Variants in NAA30 observed in about 807,000 individuals in gnomAD.
NAA30 encodes N-alpha-acetyltransferase 30.
A neutral mutation model predicts 31.4 loss-of-function variants in NAA30; 5 were observed. The observed-to-expected ratio is 0.16, with a 90% confidence interval of 0.08 to 0.33. The LOEUF (loss-of-function observed/expected upper bound fraction) is 0.33, where lower values mean the gene tolerates loss of function less well. NAA30 is among the 10% of genes least tolerant of loss of function. The pLI, the probability that NAA30 is intolerant of heterozygous loss-of-function variation, is 1.00. For synonymous variants in NAA30, 222 were observed against 207.1 expected, an observed-to-expected ratio of 1.07 and a Z score of -0.62; for missense variants, 428 against 490.8, an observed-to-expected ratio of 0.87 and a Z score of 1.21.
Position 57,409,658 on chromosome 14 carries a change from A to G in NAA30, c.*142A>G. On this transcript the variant is annotated 3_prime_UTR_variant, in exon 5 of 5. Coordinates refer to ENST00000556492, the MANE Select transcript of NAA30 (RefSeq NM_001011713.3). Reference sequence around the variant, plus strand: ...TCAGTGTCTCATTGAGTGTCGCACAATATTTGTTGCACTTTGGCATGGCAC... The same window carrying G: ...TCAGTGTCTCATTGAGTGTCGCACAGTATTTGTTGCACTTTGGCATGGCAC... 1 of 729,248 alleles carries G rather than the reference A, an allele frequency of 1.4e-6. No homozygotes were observed. Among genetic ancestry groups the G allele is most frequent in the South Asian group, 3.6e-5 (1 of 27,984 alleles). The allele number at this position is 729,248 out of a possible 1,614,324, so 45.2% of individuals were successfully genotyped here. A position where few individuals can be genotyped will look rare whatever the true frequency, so the allele number is the denominator to read the frequency against.
chr14:57,407,564 C>G (rs2066502972), intron 4 of NAA30, among the ~76,000 whole-genome samples: 1 of 152,078 alleles, frequency 6.6e-6, no homozygotes, highest in African/African-American at 2.4e-5. Context: ...TTTGAATGTT[C>G]TAAGGTGGGA....
intron 4 of NAA30, among the ~76,000 whole-genome samples, chr14:57,406,680 T>C (rs2139765840): frequency 6.6e-6 from 1 of 152,350 alleles, no homozygotes; most frequent in East Asian, 1.9e-4. Flanking sequence ...ATTCCAAGTT[T>C]TGAGTTGTTG....
chr14:57,401,862 A>G (rs2066479150), intron 4 of NAA30, among the ~76,000 whole-genome samples: 1 of 152,178 alleles, frequency 6.6e-6, no homozygotes, highest in Non-Finnish European at 1.5e-5. Flanking sequence ...TAAATTAATG[A>G]TATATTTTAT....
In NAA30 at chr14:57,391,498, G is replaced by C; in HGVS notation, c.541G>C (p.Asp181His). ...EGTEQEEEEE[D>H]EQVRLLSSSL... ...CACCGAGCAGGAGGAGGAGGAGGAAGACGAGCAGGTGCGGCTGCTGTCTTC... is the reference window on the plus strand; with the variant it reads ...CACCGAGCAGGAGGAGGAGGAGGAACACGAGCAGGTGCGGCTGCTGTCTTC... Residue 181 changes from aspartate to histidine, a missense_variant, in exon 2 of 5, where the codon GAC becomes CAC. Asp to His is a moderately conservative substitution (Grantham distance 81). Coordinates refer to ENST00000556492, the MANE Select transcript of NAA30 (RefSeq NM_001011713.3). This position sits in a 1 kb window ranked among gnomAD's most constrained non-coding sequence, Gnocchi z 4.1. 2 of 1,613,570 alleles carry C rather than the reference G, an allele frequency of 1.2e-6. No homozygotes were observed. Among genetic ancestry groups the C allele is most frequent in the South Asian group, 2.2e-5 (2 of 91,060 alleles).
chr14:57,401,962 C>T (rs1297209037), intron 4 of NAA30, among the ~76,000 whole-genome samples: 4 of 152,200 alleles, frequency 2.6e-5, no homozygotes. Flanking sequence ...AATCTTTAGG[C>T]TGACATCAGG....
rs1227639634 is a variant in NAA30, at chr14:57,396,766, G to T, written c.786G>T (p.Glu262Asp). The change falls in exon 3 of 5, where the codon GAG becomes GAT. Residue 262 changes from glutamate (E) to aspartate (D), a missense_variant. By Grantham distance (45) the Glu-to-Asp change is conservative. Coordinates refer to ENST00000556492, the MANE Select transcript of NAA30 (RefSeq NM_001011713.3). ...TTATTTTTAAGGCCATGGTAGGGGA[G>T]GAGTGTGTAGGTGCCATCGTTTGCA... ...PQLCFLAMVG[E>D]ECVGAIVCKL... is the part of the protein sequence containing the mutation. 6.2e-7 allele frequency: 1 copy of T among 1,614,058 alleles called. No homozygotes were observed. Among genetic ancestry groups the T allele is most frequent in the African/African-American group, 1.3e-5 (1 of 75,050 alleles).
At chr14:57,401,547 G>C (rs1174203417) in intron 4 of NAA30, among the ~76,000 whole-genome samples, 2 of 152,180 alleles carry the variant, frequency 1.3e-5, no homozygotes, top group Non-Finnish European at 2.9e-5. Flanking sequence ...CTGCTTGTCA[G>C]CTCATCGAGA....
chr14:57,397,287 G>C (rs1263959698), intron 3 of NAA30, among the ~76,000 whole-genome samples: 2 of 152,246 alleles, frequency 1.3e-5, no homozygotes, highest in East Asian at 3.9e-4. Flanking sequence ...TGGACAAATT[G>C]TTACCATTAC....
At position 57,411,184 on chromosome 14, in the gene NAA30, T is replaced by C. The variant is rs2066521194; in HGVS notation, c.*1668T>C. ...ATATTTGAAAATAAAAACTTTCTGCTGGTGGGATTATTTATAGTTCTTTAT... is the reference window on the plus strand; with the variant it reads ...ATATTTGAAAATAAAAACTTTCTGCCGGTGGGATTATTTATAGTTCTTTAT... On this transcript the variant is annotated 3_prime_UTR_variant, in exon 5 of 5. Coordinates refer to ENST00000556492, the MANE Select transcript of NAA30 (RefSeq NM_001011713.3). The C allele has an allele frequency of 6.6e-6, 1 of 152,180 alleles. No homozygotes were observed. Among genetic ancestry groups the C allele is most frequent in the Non-Finnish European group, 1.5e-5 (1 of 67,938 alleles). The allele number at this position is 152,180 out of a possible 1,614,324, so 9.4% of individuals were successfully genotyped here. A position where few individuals can be genotyped will look rare whatever the true frequency, so the allele number is the denominator to read the frequency against.
Position 57,391,925 on chromosome 14 carries a change from G to A in NAA30, c.771+197G>A, listed in dbSNP as rs372861268. On this transcript the variant is annotated intron_variant, in intron 2 of 4. Coordinates refer to ENST00000556492, the MANE Select transcript of NAA30 (RefSeq NM_001011713.3). The surrounding 1 kb of genome is among the most constrained non-coding windows in gnomAD (Gnocchi z 4.1). ...GTAAGACTTCATGATTCGGGTTAAC[G>A]TGATACTAGTGTAACTGCAGCAAGC... 1.6e-4 allele frequency among the ~76,000 whole-genome samples: 24 copies of A among 152,294 alleles called. No homozygotes were observed. The South Asian group carries it at 4.8e-3, about 30-fold the overall frequency.
chr14:57,413,981 G>T lies in NAA30; in HGVS notation c.*4465G>T, dbSNP rs191923653. 1 of 152,328 alleles carries T rather than the reference G, an allele frequency of 6.6e-6. No homozygotes were observed. Among genetic ancestry groups the T allele is most frequent in the Admixed American group, 6.5e-5 (1 of 15,292 alleles). The allele number at this position is 152,328 out of a possible 1,614,324, so 9.4% of individuals were successfully genotyped here. ...GCTACTGAGCCCCTGAAGTGTGGGT[G>T]GGATGATTGAGCTGAATTTGTAATT... On this transcript the variant is annotated 3_prime_UTR_variant, in exon 5 of 5. Transcript: ENST00000556492.
chr14:57,391,509 G>C lies in NAA30; in HGVS notation c.552G>C (p.Val184=). The C allele has an allele frequency of 6.2e-7, 1 of 1,612,914 alleles. No individual in the cohort carries two copies. Among genetic ancestry groups the C allele is most frequent in the Non-Finnish European group, 8.5e-7 (1 of 1,179,652 alleles). The change falls in exon 2 of 5, where the codon GTG becomes GTC. Residue 184 remains valine (V), a synonymous_variant. Coordinates refer to ENST00000556492, the MANE Select transcript of NAA30 (RefSeq NM_001011713.3). This position sits in a 1 kb window ranked among gnomAD's most constrained non-coding sequence, Gnocchi z 4.1. ...AGGAGGAGGAGGAAGACGAGCAGGTGCGGCTGCTGTCTTCGTCCCTGACCG... is the reference window on the plus strand; with the variant it reads ...AGGAGGAGGAGGAAGACGAGCAGGTCCGGCTGCTGTCTTCGTCCCTGACCG... The part of the protein sequence containing the change: ...EQEEEEEDEQ[V]RLLSSSLTAD...
intron 4 of NAA30, among the ~76,000 whole-genome samples, chr14:57,405,421 G>A (rs200797053): frequency 6.7e-6 from 1 of 149,100 alleles, no homozygotes; most frequent in Non-Finnish European, 1.5e-5. Flanking sequence ...ATATATATGT[G>A]TATATATATA....
chr14:57,400,678 A>G (rs1051329573), intron 4 of NAA30, among the ~76,000 whole-genome samples: 3 of 152,222 alleles, frequency 2.0e-5, no homozygotes, highest in African/African-American at 7.2e-5. Context: ...AAGTTTTTTT[A>G]AAAGGTTGAC....
At position 57,398,641 on chromosome 14, in the gene NAA30, TTA is replaced by T. The variant is rs1298303664; in HGVS notation, c.896-1185_896-1184del. On this transcript the variant is annotated intron_variant, in intron 3 of 4. Transcript: ENST00000556492. Reference sequence around the variant, plus strand: ...CCCAGCTGATTTATTTTTTTTATTATTATTTTTTTTTGAGATAGTCTCACTCT... The same window carrying T: ...CCCAGCTGATTTATTTTTTTTATTATTTTTTTTTTGAGATAGTCTCACTCT... Among the ~76,000 whole-genome samples, 3 of 60,748 alleles carry T rather than the reference TTA, an allele frequency of 4.9e-5. No individual in the cohort carries two copies. The East Asian group carries it at 2.0e-3, about 40-fold the overall frequency. 39.9% of individuals were successfully genotyped at this position (60,748 alleles called of 152,430 possible). A position where few individuals can be genotyped will look rare whatever the true frequency, so the allele number is the denominator to read the frequency against.
At position 57,413,642 on chromosome 14, in the gene NAA30, C is replaced by G. The variant is rs1347008366; in HGVS notation, c.*4126C>G. On this transcript the variant is annotated 3_prime_UTR_variant, in exon 5 of 5. Coordinates refer to ENST00000556492, the MANE Select transcript of NAA30 (RefSeq NM_001011713.3). ...GAGTAGCTGGGACTACAGGTGCATG[C>G]CACCACGCCCAGCCAATTTCTTGTA... 1 of 152,220 alleles carries G rather than the reference C, an allele frequency of 6.6e-6. No individual in the cohort carries two copies. Among genetic ancestry groups the G allele is most frequent in the Non-Finnish European group, 1.5e-5 (1 of 68,098 alleles). 9.4% of individuals were successfully genotyped at this position (152,220 alleles called of 1,614,324 possible).
rs2066451687 is a variant in NAA30, at chr14:57,396,652, C to T, written c.772-100C>T. 14 of 1,248,040 alleles carry T rather than the reference C, an allele frequency of 1.1e-5. No individual in the cohort carries two copies. In the South Asian group the frequency reaches 1.1e-4, roughly 10 times the overall value. The allele number at this position is 1,248,040 out of a possible 1,614,324, so 77.3% of individuals were successfully genotyped here. On this transcript the variant is annotated intron_variant, in intron 2 of 4. Transcript: ENST00000556492. Reference sequence around the variant, plus strand: ...TGCAAGAGTTCCCATTATCTTCCCCCGTCGAAAATGCTTACCAATGGTTGG... The same window carrying T: ...TGCAAGAGTTCCCATTATCTTCCCCTGTCGAAAATGCTTACCAATGGTTGG...
intron 4 of NAA30, among the ~76,000 whole-genome samples, chr14:57,405,920 T>C (rs2066496534): frequency 6.6e-6 from 1 of 152,200 alleles, no homozygotes; most frequent in Non-Finnish European, 1.5e-5. Flanking sequence ...ATCGGTGGAA[T>C]TTCACTGTAA....
At chr14:57,402,639 T>C (rs2066481905) in intron 4 of NAA30, among the ~76,000 whole-genome samples, 1 of 152,238 alleles carries the variant, frequency 6.6e-6, no homozygotes, top group African/African-American at 2.4e-5. Context: ...TTAAAATGCC[T>C]TTGAAATGAT....
Sources: gnomAD v4.1 joint callset for allele counts (sites outside exome capture counted in the v4.1 genomes callset) on GRCh38, gnomAD v4.1.1 for gene constraint, Gnocchi (gnomAD v3.1) non-coding constraint, MANE v1.5 for transcripts, NCBI Gene and HGNC (gene_info 2026-07-23, HGNC 2026-07-21) for gene names.